METTL25: variants seen among roughly 807,000 people sequenced by gnomAD.
METTL25 encodes the protein probable methyltransferase-like protein 25.
In METTL25, 64 loss-of-function variants were observed where a neutral mutation model predicts 71.6. The ratio of observed to expected loss-of-function variants is 0.89; its 90% CI spans 0.73 to 1.10. The LOEUF is 1.10. Ranked by LOEUF, METTL25 falls within the 50% of genes least tolerant of loss-of-function variation. The pLI, the probability that METTL25 is intolerant of heterozygous loss-of-function variation, is 0.00. For missense variants in METTL25, 807 were observed against 707.0 expected (o/e 1.14, Z -1.60); for synonymous variants, 287 against 250.3 (o/e 1.15, Z -1.38).
At chr12:82,471,182 A>C (rs2137302239) in intron 9 of METTL25, among the ~76,000 whole-genome samples, 1 of 152,320 alleles carries the variant, frequency 6.6e-6, no homozygotes, top group South Asian at 2.1e-4. Flanking sequence ...TGTTTTCTTA[A>C]ATTGATGCAA....
intron 8 of METTL25, among the ~76,000 whole-genome samples, chr12:82,452,620 T>C (rs1891225607): frequency 6.6e-6 from 1 of 152,212 alleles, no homozygotes; most frequent in South Asian, 2.1e-4. Flanking sequence ...AGCAATTACA[T>C]TCTACATCAT....
intron 5 of METTL25, among the ~76,000 whole-genome samples, chr12:82,409,368 T>C (rs1044399905): frequency 6.6e-6 from 1 of 152,216 alleles, no homozygotes; most frequent in Non-Finnish European, 1.5e-5. Context: ...GTATTTTGAA[T>C]ATTGATTATT....
chr12:82,436,443 T>A (rs1049461560), intron 7 of METTL25, among the ~76,000 whole-genome samples: 1 of 151,566 alleles, frequency 6.6e-6, no homozygotes, highest in Non-Finnish European at 1.5e-5. Flanking sequence ...CACAGACTGT[T>A]CAGGAGATAC....
chr12:82,362,799 G>C (rs1330614070), intron 1 of METTL25, among the ~76,000 whole-genome samples: 1 of 152,152 alleles, frequency 6.6e-6, no homozygotes, highest in Non-Finnish European at 1.5e-5. Context: ...AATAGTCCAG[G>C]GACATTTCAA....
intron 8 of METTL25, among the ~76,000 whole-genome samples, chr12:82,439,521 A>G (rs1161435391): frequency 6.6e-6 from 1 of 151,850 alleles, no homozygotes; most frequent in Non-Finnish European, 1.5e-5. Flanking sequence ...CACATTTATG[A>G]AAAGATATAA....
chr12:82,378,965 A>G (rs545683931), intron 1 of METTL25, among the ~76,000 whole-genome samples: 51 of 152,280 alleles, frequency 3.3e-4, no homozygotes, highest in African/African-American at 1.0e-3. Context: ...CCTGGAGATC[A>G]AGGTTGCAGT....
rs546873327 is a variant in METTL25, at chr12:82,403,154, A to G, written c.1279+24A>G. 14 of 1,586,996 alleles carry G rather than the reference A, an allele frequency of 8.8e-6. No individual in the cohort carries two copies. The Admixed American group carries it at 1.7e-4, about 19-fold the overall frequency. On this transcript the variant is annotated intron_variant, in intron 5 of 11. Transcript: ENST00000248306. ...AGGTACAAGTTCCCCATGTGTCATA[A>G]TTTTTATTCATTTGAGCATAATGAA...
intron 9 of METTL25, among the ~76,000 whole-genome samples, chr12:82,475,524 T>C (rs1279085969): frequency 1.3e-5 from 2 of 152,130 alleles, no homozygotes; most frequent in Non-Finnish European, 2.9e-5. Flanking sequence ...AAAAGGACTT[T>C]GAAAAAATAA....
At chr12:82,395,227 A>G (rs1258702389) in intron 3 of METTL25, among the ~76,000 whole-genome samples, 4 of 152,116 alleles carry the variant, frequency 2.6e-5, no homozygotes, top group African/African-American at 7.2e-5. Flanking sequence ...CTATCTGAGC[A>G]GGAGCATCCA....
intron 3 of METTL25, among the ~76,000 whole-genome samples, chr12:82,392,226 G>A (rs1885657866): frequency 6.6e-6 from 1 of 150,762 alleles, no homozygotes; most frequent in Non-Finnish European, 1.5e-5. Context: ...TCTAGCATTA[G>A]GTATATCTCC....
At chr12:82,366,493 T>A (rs560110085) in intron 1 of METTL25, among the ~76,000 whole-genome samples, 1 of 152,350 alleles carries the variant, frequency 6.6e-6, no homozygotes, top group Admixed American at 6.5e-5. Context: ...TCATCTGGTG[T>A]AATTATTTTA....
At chr12:82,426,943 A>AT (rs1889078571) in intron 5 of METTL25, among the ~76,000 whole-genome samples, 4 of 151,828 alleles carry the variant, frequency 2.6e-5, no homozygotes, top group Non-Finnish European at 5.9e-5. Context: ...AACTAATCCC[A>AT]TCATGCCTTT....
At chr12:82,373,184 C>T (rs1883454710) in intron 1 of METTL25, among the ~76,000 whole-genome samples, 1 of 152,032 alleles carries the variant, frequency 6.6e-6, no homozygotes, top group Non-Finnish European at 1.5e-5. Flanking sequence ...ATATGTTATG[C>T]CCCAAAAATG....
At chr12:82,396,273 C>T (rs1056115746) in intron 3 of METTL25, among the ~76,000 whole-genome samples, 2 of 151,992 alleles carry the variant, frequency 1.3e-5, no homozygotes, top group African/African-American at 4.8e-5. Context: ...TTCTGTGTTT[C>T]CCTGCAATAC....
In METTL25 at chr12:82,476,640, G is replaced by A. The variant is rs906782370; in HGVS notation, c.1573-4G>A. 2 of 1,574,610 alleles carry A rather than the reference G, an allele frequency of 1.3e-6. No homozygotes were observed. Among genetic ancestry groups the A allele is most frequent in the Non-Finnish European group, 1.7e-6 (2 of 1,154,926 alleles). ...TAAATTTATTGTTGTTTTTTATCTT[G>A]AAGCTGCCAGAAAAAATTATAATGA... On this transcript the variant is annotated splice_polypyrimidine_tract_variant and splice_region_variant and intron_variant, in intron 9 of 11. Coordinates refer to ENST00000248306, the MANE Select transcript of METTL25 (RefSeq NM_032230.3).
At chr12:82,413,153 T>C (rs903146267) in intron 5 of METTL25, among the ~76,000 whole-genome samples, 2 of 151,998 alleles carry the variant, frequency 1.3e-5, no homozygotes. Flanking sequence ...GGCATGAACA[T>C]TTTTTAGCAA....
intron 1 of METTL25, among the ~76,000 whole-genome samples, chr12:82,377,958 T>A (rs1381546195): frequency 1.3e-5 from 2 of 152,206 alleles, no homozygotes; most frequent in Non-Finnish European, 2.9e-5. Context: ...TTATTAGTAT[T>A]ACAATTGTTT....
At chr12:82,398,707 A>C in intron 3 of METTL25, 88 bp from the exon 4 acceptor site, 1 of 792,444 alleles carries the variant, frequency 1.3e-6, no homozygotes, top group Non-Finnish European at 1.8e-6. Flanking sequence ...AAGTTATATA[A>C]CTCATTTGTT....
intron 1 of METTL25, among the ~76,000 whole-genome samples, chr12:82,361,352 A>G (rs1234550173): frequency 6.6e-6 from 1 of 152,212 alleles, no homozygotes; most frequent in African/African-American, 2.4e-5. Flanking sequence ...AGCTGGCTTC[A>G]CCTAGTGGAT....
Sources: gnomAD v4.1 joint callset for allele counts (sites outside exome capture counted in the v4.1 genomes callset) on GRCh38, gnomAD v4.1.1 for gene constraint, MANE v1.5 for transcripts, NCBI Gene and HGNC (gene_info 2026-07-23, HGNC 2026-07-21) for gene names.